Variants in KIAA0825 observed in about 807,000 individuals in gnomAD.
The protein encoded by KIAA0825 is uncharacterized protein KIAA0825.
A neutral mutation model predicts 147.6 loss-of-function variants in KIAA0825; 119 were observed. That is an observed-to-expected ratio of 0.81 (90% CI 0.69 to 0.94). KIAA0825 has a LOEUF of 0.94. KIAA0825 is among the 40% of genes least tolerant of loss of function. The pLI is 0.00. For synonymous variants in KIAA0825, 470 were observed against 518.1 expected (o/e 0.91, Z 1.26); for missense variants, 1,381 against 1,472.7 (o/e 0.94, Z 1.02).
At chr5:94,387,566 G>A (rs189663893) in intron 18 of KIAA0825, among the ~76,000 whole-genome samples, 2 of 152,010 alleles carry the variant, frequency 1.3e-5, no homozygotes, top group African/African-American at 2.4e-5. Flanking sequence ...GTGGTGGTGG[G>A]CACCTGTAAT....
chr5:94,280,055 G>A (rs1215989755), intron 20 of KIAA0825, among the ~76,000 whole-genome samples: 2 of 152,062 alleles, frequency 1.3e-5, no homozygotes, highest in Non-Finnish European at 2.9e-5. Flanking sequence ...CGGTGGCCTG[G>A]GGAGTGACAG....
chr5:94,477,226 C>A (rs1415347743), intron 6 of KIAA0825, 21 bp from the exon 7 acceptor site: 1 of 1,386,940 alleles, frequency 7.2e-7, no homozygotes, highest in East Asian at 2.5e-5. Context: ...GAAAAGAAAA[C>A]AAACACACTA....
At chr5:94,346,851 C>T (rs1783056142) in intron 20 of KIAA0825, among the ~76,000 whole-genome samples, 1 of 152,214 alleles carries the variant, frequency 6.6e-6, no homozygotes, top group African/African-American at 2.4e-5. Flanking sequence ...AGCGTGCGTA[C>T]TCCACAGGTG....
chr5:94,415,883 C>G (rs1430629465), intron 15 of KIAA0825: 3 of 152,128 alleles, frequency 2.0e-5, no homozygotes. Context: ...AAAGATGGTT[C>G]AAGAACCTAA....
intron 15 of KIAA0825, 44 bp downstream of exon 15, chr5:94,417,157 G>T: frequency 6.7e-7 from 1 of 1,499,038 alleles, no homozygotes; most frequent in Non-Finnish European, 9.1e-7. Context: ...GTACATATAA[G>T]TATCTATAGA....
At chr5:94,267,749 G>A (rs1415646967) in intron 20 of KIAA0825, among the ~76,000 whole-genome samples, 1 of 152,076 alleles carries the variant, frequency 6.6e-6, no homozygotes, top group African/African-American at 2.4e-5. Context: ...CTCCTTACAT[G>A]AGCATTTTCT....
At chr5:94,602,322 G>C (rs1786638549) in intron 1 of KIAA0825, among the ~76,000 whole-genome samples, 4 of 151,758 alleles carry the variant, frequency 2.6e-5, no homozygotes, top group African/African-American at 9.7e-5. Context: ...CTGCACTCCA[G>C]CCTGGGCAAC....
intron 20 of KIAA0825, among the ~76,000 whole-genome samples, chr5:94,216,114 C>T (rs1583876307): frequency 6.6e-6 from 1 of 152,138 alleles, no homozygotes; most frequent in East Asian, 1.9e-4. Context: ...TCCCAACATG[C>T]TTTCTTTAGG....
chr5:94,408,219 G>A (rs1288952543), intron 15 of KIAA0825, among the ~76,000 whole-genome samples: 1 of 152,232 alleles, frequency 6.6e-6, no homozygotes, highest in Non-Finnish European at 1.5e-5. Context: ...TTGATAGTGA[G>A]AAGAAAGGGA....
In KIAA0825 at chr5:94,589,516, A is replaced by G. The variant is rs114048357; in HGVS notation, c.-152-6933T>C. 8.9e-3 allele frequency among the ~76,000 whole-genome samples: 1,353 copies of G among 152,336 alleles called. 15 individuals carry two copies. Among genetic ancestry groups the G allele is most frequent in the African/African-American group, 0.031 (1,276 of 41,582 alleles). On this transcript the variant is annotated intron_variant, in intron 1 of 20. Coordinates refer to ENST00000682413, the MANE Select transcript of KIAA0825 (RefSeq NM_001145678.3). ...TATCAAAGTTGGGCAAATGTATAGC[A>G]TTGAGTTTTCCAAATCATGTGTATT...
At chr5:94,591,178 G>A (rs755735565) in intron 1 of KIAA0825, among the ~76,000 whole-genome samples, 1 of 152,080 alleles carries the variant, frequency 6.6e-6, no homozygotes, top group African/African-American at 2.4e-5. Flanking sequence ...AGAATTCACA[G>A]AAGAAACAGA....
intron 20 of KIAA0825, among the ~76,000 whole-genome samples, chr5:94,268,648 G>A (rs1249962330): frequency 1.3e-5 from 2 of 152,096 alleles, no homozygotes; most frequent in African/African-American, 4.8e-5. Flanking sequence ...TATGAGAAAA[G>A]GATTACTGGT....
intron 20 of KIAA0825, among the ~76,000 whole-genome samples, chr5:94,376,609 AAAACAAAC>A (rs57714508): frequency 2.4e-4 from 36 of 152,172 alleles, no homozygotes; most frequent in South Asian, 1.9e-3. Context: ...ATCTCTGCAA[AAAACAAAC>A]AAACAAACAA....
chr5:94,255,202 T>A (rs1776181622), intron 20 of KIAA0825, among the ~76,000 whole-genome samples: 1 of 151,456 alleles, frequency 6.6e-6, no homozygotes, highest in Non-Finnish European at 1.5e-5. Context: ...CTGTGGACCC[T>A]ACGGAAAGGG....
chr5:94,408,937 A>G (rs1752423222), intron 15 of KIAA0825, among the ~76,000 whole-genome samples: 1 of 152,258 alleles, frequency 6.6e-6, no homozygotes, highest in Non-Finnish European at 1.5e-5. Flanking sequence ...CATAGCAAAT[A>G]TCATATAACA....
chr5:94,386,705 C>T (rs1373087343), intron 18 of KIAA0825, among the ~76,000 whole-genome samples: 2 of 152,128 alleles, frequency 1.3e-5, no homozygotes, highest in Non-Finnish European at 2.9e-5. Flanking sequence ...ATTGTCTTGT[C>T]ACTGGTTCAC....
chr5:94,251,215 G>A (rs1775942823), intron 20 of KIAA0825, among the ~76,000 whole-genome samples: 1 of 151,498 alleles, frequency 6.6e-6, no homozygotes, highest in Non-Finnish European at 1.5e-5. Flanking sequence ...TCAGCAAACA[G>A]GGGAAAAAAC....
chr5:94,583,685 A>G (rs1782681413), intron 1 of KIAA0825, among the ~76,000 whole-genome samples: 1 of 152,166 alleles, frequency 6.6e-6, no homozygotes. Flanking sequence ...TTCTCCCAGC[A>G]TGGTGTTCGA....
intron 20 of KIAA0825, among the ~76,000 whole-genome samples, chr5:94,378,730 A>G (rs998529837): frequency 5.9e-5 from 9 of 152,248 alleles, no homozygotes; most frequent in Admixed American, 2.6e-4. Flanking sequence ...CCAGCAGTGT[A>G]TAAGCATTCC....
Sources: gnomAD v4.1 joint callset for allele counts (sites outside exome capture counted in the v4.1 genomes callset) on GRCh38, gnomAD v4.1.1 for gene constraint, MANE v1.5 for transcripts, NCBI Gene and HGNC (gene_info 2026-07-23, HGNC 2026-07-21) for gene names.